Variants in TESC observed in about 807,000 individuals in gnomAD.
TESC encodes the protein calcineurin B homologous protein 3.
In TESC, 19 loss-of-function variants were observed where a neutral mutation model predicts 31.0. That is an observed-to-expected ratio of 0.61 (90% CI 0.43 to 0.90). TESC has a LOEUF of 0.90. TESC is among the 40% of genes least tolerant of loss of function. TESC has a pLI of 0.00. For missense variants in TESC, 248 were observed against 303.8 expected (o/e 0.82, Z 1.36); for synonymous variants, 109 against 114.8 (o/e 0.95, Z 0.32).
chr12:117,039,208 G>A lies in TESC; in HGVS notation c.570C>T (p.Ile190=). The A allele has an allele frequency of 1.2e-6, 2 of 1,613,560 alleles. No individual in the cohort carries two copies. Among genetic ancestry groups the A allele is most frequent in the Non-Finnish European group, 1.7e-6 (2 of 1,179,776 alleles). The part of the protein sequence containing the change: ...EGITFEDFLK[I]WQGIDIETKM... ...TGGTCTCAATGTCGATCCCCTGCCA[G>A]ATCTGGAAGGGACGGAGCAGCGTTA... Residue 190 remains isoleucine (I), a splice_region_variant and synonymous_variant, in exon 8 of 8, where the codon ATC becomes ATT. Coordinates refer to ENST00000335209, the MANE Select transcript of TESC (RefSeq NM_017899.4).
At chr12:117,065,267 ATGGCAGC>A (rs1352665342) in intron 2 of TESC, among the ~76,000 whole-genome samples, 1 of 152,214 alleles carries the variant, frequency 6.6e-6, no homozygotes, top group Non-Finnish European at 1.5e-5. Flanking sequence ...GCCAGAGACC[ATGGCAGC>A]TGGATGAGGG....
At chr12:117,080,082 G>A (rs1955125285) in intron 1 of TESC, among the ~76,000 whole-genome samples, 1 of 152,100 alleles carries the variant, frequency 6.6e-6, no homozygotes. Context: ...TGAGAACTCT[G>A]GGATGTGCCC....
intron 1 of TESC, among the ~76,000 whole-genome samples, chr12:117,093,966 G>C (rs1240690350): frequency 6.6e-6 from 1 of 151,982 alleles, no homozygotes; most frequent in African/African-American, 2.4e-5. Context: ...AGTGGGGCCA[G>C]CTCAAGGTGG....
chr12:117,039,069 C>CT lies in TESC; in HGVS notation c.*63dup. The stretch of plus-strand genomic sequence containing the variant: ...GAGGCTGTCCGCCGGGCCTGGGCTG[C>CT]TCCAGCTACGCGGGGAGGCGGCCCC... On this transcript the variant is annotated 3_prime_UTR_variant, in exon 8 of 8. Transcript: ENST00000335209. The CT allele has an allele frequency of 6.3e-7, 1 of 1,577,394 alleles. No homozygotes were observed. The highest frequency in any genetic ancestry group is 8.6e-7 in the Non-Finnish European group (1 of 1,158,172).
intron 1 of TESC, 42 bp from the exon 2 acceptor site, chr12:117,075,382 A>G: frequency 1.3e-6 from 2 of 1,596,890 alleles, no homozygotes; most frequent in Non-Finnish European, 1.7e-6. Context: ...ACAGAAAAAA[A>G]AATCACTGAC....
chr12:117,046,819 G>A lies in TESC; in HGVS notation c.369C>T (p.Asp123=), dbSNP rs984014236. Residue 123 remains aspartate, a synonymous_variant, in exon 5 of 8, where the codon GAC becomes GAT. Coordinates refer to ENST00000335209, the MANE Select transcript of TESC (RefSeq NM_017899.4). ...GAGTGATGCGGCCGTCGCTGTCCGA[G>A]TCGTACATGTGGAACAGAACTAGGG... ...EKLRFLFHMY[D]SDSDGRITLE... The A allele has an allele frequency of 1.9e-6, 3 of 1,571,964 alleles. No individual in the cohort carries two copies. Among genetic ancestry groups the A allele is most frequent in the African/African-American group, 2.7e-5 (2 of 74,310 alleles).
intron 1 of TESC, among the ~76,000 whole-genome samples, chr12:117,075,885 A>ATATATATATATATATATGTGTGTGTGTG (rs1955054476): frequency 8.6e-5 from 4 of 46,258 alleles, no homozygotes; most frequent in African/African-American, 5.8e-4. Context: ...GTATATATAT[A>ATATATATATATATATATGTGTGTGTGTG]TATATATATA....
At position 117,099,412 on chromosome 12, in the gene TESC, G is replaced by T; in HGVS notation, c.-130C>A. On this transcript the variant is annotated 5_prime_UTR_variant, in exon 1 of 8. Transcript: ENST00000335209. The stretch of plus-strand genomic sequence containing the variant: ...CGCCGGCGAAGGCTCGGAGCCGCGG[G>T]TTCCGCGTGGGGCCGGAGCGGGGCC... 1 of 906,882 alleles carries T rather than the reference G, an allele frequency of 1.1e-6. No homozygotes were observed. Among genetic ancestry groups the T allele is most frequent in the Non-Finnish European group, 1.5e-6 (1 of 686,184 alleles). 56.2% of individuals were successfully genotyped at this position (906,882 alleles called of 1,614,324 possible). A position where few individuals can be genotyped will look rare whatever the true frequency, so the allele number is the denominator to read the frequency against.
At chr12:117,075,196 T>C in intron 2 of TESC, 75 bp downstream of exon 2, 1 of 1,468,634 alleles carries the variant, frequency 6.8e-7, no homozygotes, top group Non-Finnish European at 9.4e-7. Context: ...TACTCAGCAC[T>C]CAAGAAAAGA....
At chr12:117,073,758 G>A (rs187823968) in intron 2 of TESC, among the ~76,000 whole-genome samples, 42 of 152,190 alleles carry the variant, frequency 2.8e-4, no homozygotes, top group African/African-American at 8.7e-4. Flanking sequence ...TCTGTGTGAC[G>A]ATCAAGTCAC....
intron 4 of TESC, among the ~76,000 whole-genome samples, chr12:117,047,200 C>T (rs1348914592): frequency 6.6e-6 from 1 of 152,218 alleles, no homozygotes; most frequent in Non-Finnish European, 1.5e-5. Flanking sequence ...CAAACGGTGT[C>T]GAGTTCAAAA....
At chr12:117,056,003 G>A (rs1023365279) in intron 3 of TESC, among the ~76,000 whole-genome samples, 2 of 144,606 alleles carry the variant, frequency 1.4e-5, no homozygotes, top group African/African-American at 2.6e-5. Flanking sequence ...TCACTGCAAC[G>A]TCCGCCTCCC....
intron 3 of TESC, among the ~76,000 whole-genome samples, chr12:117,050,315 A>T (rs1954630496): frequency 1.3e-5 from 2 of 152,044 alleles, no homozygotes; most frequent in Admixed American, 6.6e-5. Flanking sequence ...TAAAATATTT[A>T]CTCCTTGTCT....
At chr12:117,091,270 T>G (rs982582939) in intron 1 of TESC, among the ~76,000 whole-genome samples, 1 of 152,244 alleles carries the variant, frequency 6.6e-6, no homozygotes, top group Admixed American at 6.5e-5. Context: ...AAAGAGGCCC[T>G]GAGTTTTCTT....
intron 1 of TESC, among the ~76,000 whole-genome samples, chr12:117,090,225 A>T (rs973896989): frequency 2.6e-5 from 4 of 152,260 alleles, no homozygotes. Context: ...GCAAGAATTA[A>T]TAGTGTCTGC....
At chr12:117,052,874 C>T (rs760225518) in intron 3 of TESC, among the ~76,000 whole-genome samples, 1 of 152,164 alleles carries the variant, frequency 6.6e-6, no homozygotes, top group Non-Finnish European at 1.5e-5. Context: ...CCAAGTGCAG[C>T]CGGAATGAGC....
intron 4 of TESC, chr12:117,048,535 T>C (rs1954600864): frequency 5.4e-6 from 2 of 368,534 alleles, no homozygotes; most frequent in Admixed American, 3.4e-5. Flanking sequence ...AGCCAGAACA[T>C]AGTGGGGCTG....
intron 2 of TESC, 90 bp downstream of exon 2, chr12:117,075,181 C>T (rs1354890545): frequency 3.1e-6 from 4 of 1,287,112 alleles, no homozygotes; most frequent in Non-Finnish European, 1.1e-6. Flanking sequence ...AACAACTACC[C>T]CCGCTACTCA....
At chr12:117,056,733 G>A in intron 3 of TESC, 73 bp downstream of exon 3, 1 of 1,511,574 alleles carries the variant, frequency 6.6e-7, no homozygotes, top group Non-Finnish European at 9.2e-7. Context: ...GTCATTCTAG[G>A]AAACAAGTAT....
Sources: allele counts gnomAD v4.1 joint callset (sites outside exome capture counted in the v4.1 genomes callset), GRCh38; gene constraint gnomAD v4.1.1; transcripts MANE v1.5; gene names NCBI Gene and HGNC (gene_info 2026-07-23, HGNC 2026-07-21).